Variants in PDZRN4 observed in about 807,000 individuals in gnomAD.
The protein encoded by PDZRN4 is PDZ domain-containing RING finger protein 4.
In PDZRN4, 70 loss-of-function variants were observed where a neutral mutation model predicts 99.0. That is an observed-to-expected ratio of 0.71 (90% CI 0.58 to 0.86). The LOEUF is 0.86. Among genes scored for constraint, PDZRN4 ranks in the 40% least tolerant of loss-of-function variants. PDZRN4 has a pLI of 0.00. For synonymous variants in PDZRN4, 551 were observed against 501.6 expected, an observed-to-expected ratio of 1.10 and a Z score of -1.32; for missense variants, 1,474 against 1,331.2, an observed-to-expected ratio of 1.11 and a Z score of -1.67.
intron 3 of PDZRN4, among the ~76,000 whole-genome samples, chr12:41,251,981 T>C (rs1351121819): frequency 6.6e-6 from 1 of 152,014 alleles, no homozygotes; most frequent in Non-Finnish European, 1.5e-5. Flanking sequence ...GTGGGCATGG[T>C]AGTATGTGCC....
At chr12:41,274,253 T>C (rs551306765) in intron 3 of PDZRN4, among the ~76,000 whole-genome samples, 1 of 152,246 alleles carries the variant, frequency 6.6e-6, no homozygotes, top group South Asian at 2.1e-4. Context: ...GTTTTATTAA[T>C]AACCACTCTG....
intron 3 of PDZRN4, among the ~76,000 whole-genome samples, chr12:41,380,058 C>A (rs1952112725): frequency 6.6e-6 from 1 of 151,994 alleles, no homozygotes; most frequent in African/African-American, 2.4e-5. Context: ...ATTGTTATAT[C>A]TTTTTGATGA....
At chr12:41,458,580 T>A (rs1952838770) in intron 3 of PDZRN4, among the ~76,000 whole-genome samples, 1 of 152,210 alleles carries the variant, frequency 6.6e-6, no homozygotes, top group African/African-American at 2.4e-5. Context: ...CAGGAAATTT[T>A]CACACTGGTT....
chr12:41,492,262 C>G (rs556774404), intron 3 of PDZRN4, among the ~76,000 whole-genome samples: 1 of 151,894 alleles, frequency 6.6e-6, no homozygotes, highest in South Asian at 2.1e-4. Flanking sequence ...TATGTAAAAC[C>G]CTTGAATTTA....
At chr12:41,399,206 G>C (rs1291728034) in intron 3 of PDZRN4, among the ~76,000 whole-genome samples, 1 of 151,884 alleles carries the variant, frequency 6.6e-6, no homozygotes, top group Non-Finnish European at 1.5e-5. Context: ...CATATTGATT[G>C]CCAAAAATAA....
At chr12:41,191,141 G>A (rs1950732917) in intron 1 of PDZRN4, among the ~76,000 whole-genome samples, 1 of 152,160 alleles carries the variant, frequency 6.6e-6, no homozygotes, top group Admixed American at 6.5e-5. Flanking sequence ...CCAGAAATCT[G>A]TTTTCAATTG....
intron 7 of PDZRN4, among the ~76,000 whole-genome samples, chr12:41,558,813 A>G (rs1429208056): frequency 4.6e-5 from 7 of 152,102 alleles, no homozygotes; most frequent in Non-Finnish European, 1.0e-4. Flanking sequence ...GGAAACAAAG[A>G]GTCTTAAGGG....
In PDZRN4 at chr12:41,259,075, A is replaced by C. The variant is rs143205611; in HGVS notation, c.843+64887A>C. Among the ~76,000 whole-genome samples, 3 of 152,292 alleles carry C rather than the reference A, an allele frequency of 2.0e-5. No individual in the cohort carries two copies. In the East Asian group the frequency reaches 5.8e-4, roughly 29 times the overall value. On this transcript the variant is annotated intron_variant, in intron 3 of 9. Transcript: ENST00000402685. ...AATTAACCTGCATTTAAATACACAC[A>C]TAAAAGACACGGGAAGCAAACTTAC...
At chr12:41,391,990 A>G (rs7957823) in intron 3 of PDZRN4, among the ~76,000 whole-genome samples, 55,927 of 152,078 alleles carry the variant, frequency 0.37, 10,782 homozygotes, top group South Asian at 0.49. Context: ...AAGAGGTTAC[A>G]GGATAGCTTT....
chr12:41,491,523 AAAAC>A lies in PDZRN4; in HGVS notation c.844-14921_844-14918del, dbSNP rs1237678144. On this transcript the variant is annotated intron_variant, in intron 3 of 9. Coordinates refer to ENST00000402685, the MANE Select transcript of PDZRN4 (RefSeq NM_001164595.2). ...AGCCACAGAGTGAGACTCCATCTCA[AAAAC>A]AAACAAACAAAAAAATAAAAAACAA... Among the ~76,000 whole-genome samples the A allele has an allele frequency of 5.9e-5, 9 of 152,256 alleles. No homozygotes were observed. The South Asian group carries it at 1.2e-3, about 21-fold the overall frequency.
chr12:41,299,463 A>T (rs1951518723), intron 3 of PDZRN4, among the ~76,000 whole-genome samples: 1 of 152,092 alleles, frequency 6.6e-6, no homozygotes, highest in Admixed American at 6.6e-5. Context: ...TTCTGAGTTC[A>T]CATCCAAGTT....
intron 7 of PDZRN4, among the ~76,000 whole-genome samples, chr12:41,562,605 A>C (rs1939288749): frequency 6.6e-6 from 1 of 152,152 alleles, no homozygotes; most frequent in South Asian, 2.1e-4. Flanking sequence ...GGAGTTGAGT[A>C]ATCAATAAAA....
intron 3 of PDZRN4, among the ~76,000 whole-genome samples, chr12:41,486,225 A>T (rs1262971261): frequency 1.3e-5 from 2 of 152,176 alleles, no homozygotes; most frequent in African/African-American, 4.8e-5. Context: ...ACTGAAAAAA[A>T]TAAATATGGG....
rs191784516 is a variant in PDZRN4, at chr12:41,221,127, G to A, written c.843+26939G>A. 3.5e-3 allele frequency among the ~76,000 whole-genome samples: 528 copies of A among 152,298 alleles called. 5 individuals are homozygous for A. The highest frequency in any genetic ancestry group is 0.012 in the African/African-American group (501 of 41,578). The stretch of plus-strand genomic sequence containing the variant: ...GTCAGGAAACAAAGGACACTGGAAG[G>A]AGGCCAGATTCCAGAGTCCTTGGAG... On this transcript the variant is annotated intron_variant, in intron 3 of 9. Coordinates refer to ENST00000402685, the MANE Select transcript of PDZRN4 (RefSeq NM_001164595.2).
chr12:41,221,943 C>G (rs1256605973), intron 3 of PDZRN4, among the ~76,000 whole-genome samples: 1 of 152,140 alleles, frequency 6.6e-6, no homozygotes, highest in Non-Finnish European at 1.5e-5. Flanking sequence ...CAAGGAGAAC[C>G]TTTTAGGGTT....
intron 3 of PDZRN4, among the ~76,000 whole-genome samples, chr12:41,378,786 G>A (rs1180672701): frequency 6.6e-6 from 1 of 152,098 alleles, no homozygotes; most frequent in Non-Finnish European, 1.5e-5. Context: ...GCCTCCGAAA[G>A]TGCTGGGATT....
intron 3 of PDZRN4, 135 bp from the exon 4 acceptor site, chr12:41,506,321 A>G: frequency 1.4e-6 from 1 of 694,052 alleles, no homozygotes; most frequent in Non-Finnish European, 2.3e-6. Context: ...GTAAATATTA[A>G]TATCTGATTA....
chr12:41,451,219 A>T (rs1014499352), intron 3 of PDZRN4, among the ~76,000 whole-genome samples: 3 of 151,944 alleles, frequency 2.0e-5, no homozygotes. Context: ...ATTGGCATAG[A>T]CTAAATGGCT....
At chr12:41,523,683 T>C (rs888894366) in intron 5 of PDZRN4, among the ~76,000 whole-genome samples, 7 of 151,986 alleles carry the variant, frequency 4.6e-5, no homozygotes, top group Non-Finnish European at 7.4e-5. Context: ...ATGAAGATAG[T>C]GTTAGGAAGA....
Sources: allele counts gnomAD v4.1 joint callset (sites outside exome capture counted in the v4.1 genomes callset), GRCh38; gene constraint gnomAD v4.1.1; transcripts MANE v1.5; gene names NCBI Gene and HGNC (gene_info 2026-07-23, HGNC 2026-07-21).